FRMPD4: variants seen among roughly 807,000 people sequenced by gnomAD.
The protein encoded by FRMPD4 is FERM and PDZ domain-containing protein 4.
Under a neutral mutation model 94.1 loss-of-function variants are expected in FRMPD4, and 22 were observed. The ratio of observed to expected loss-of-function variants is 0.23; its 90% CI spans 0.17 to 0.33. The LOEUF (loss-of-function observed/expected upper bound fraction) is 0.33, where lower values mean the gene tolerates loss of function less well. Among genes scored for constraint, FRMPD4 ranks in the 10% least tolerant of loss-of-function variants. The pLI is 1.00. For missense variants in FRMPD4, 1,111 were observed against 1,339.9 expected (o/e 0.83, Z 2.67); for synonymous variants, 631 against 548.6 (o/e 1.15, Z -2.10).
chrX:12,428,144 C>T (rs1340910226), intron 1 of FRMPD4, among the ~76,000 whole-genome samples: 1 of 109,705 alleles, frequency 9.1e-6, no homozygotes, highest in Admixed American at 9.7e-5. Flanking sequence ...ATCTCCTGAC[C>T]TCGTGATCTG....
chrX:12,366,203 A>G (rs758538090), intron 1 of FRMPD4, among the ~76,000 whole-genome samples: 1 of 112,050 alleles, frequency 8.9e-6, no homozygotes, highest in East Asian at 2.8e-4. Context: ...GGTCATTTCA[A>G]TGAAGGCAAA....
chrX:11,913,419 C>A (rs2054007262), intron 3 of FRMPD4, among the ~76,000 whole-genome samples: 1 of 112,198 alleles, frequency 8.9e-6, no homozygotes. Context: ...GCTAAAGTCC[C>A]ACCCTCTCAG....
At chrX:11,845,450 A>G (rs1464033638) in intron 1 of FRMPD4, among the ~76,000 whole-genome samples, 3 of 111,126 alleles carry the variant, frequency 2.7e-5, no homozygotes, top group African/African-American at 6.6e-5. Flanking sequence ...TACCAGAGGT[A>G]CAAAGAGGAA....
At chrX:12,598,393 T>G (rs1020947933) in intron 2 of FRMPD4, among the ~76,000 whole-genome samples, 1 of 111,670 alleles carries the variant, frequency 9.0e-6, no homozygotes, top group African/African-American at 3.3e-5. Flanking sequence ...TGTTAGCACT[T>G]CGAGGTCTCA....
intron 1 of FRMPD4, among the ~76,000 whole-genome samples, chrX:12,479,351 T>TAC (rs1307854718): frequency 7.2e-4 from 5 of 6,925 alleles, no homozygotes; most frequent in Non-Finnish European, 1.6e-3. Context: ...TCTGTATATA[T>TAC]ATATACACAC....
At position 11,859,446 on chromosome X, in the gene FRMPD4, G is replaced by C. The variant is rs781153350; in HGVS notation, c.-160-5640G>C. Among the ~76,000 whole-genome samples, 4 of 111,731 alleles carry C rather than the reference G, an allele frequency of 3.6e-5. No homozygotes were observed. The East Asian group carries it at 1.1e-3, about 31-fold the overall frequency. On this transcript the variant is annotated intron_variant, in intron 1 of 18. Coordinates refer to the FRMPD4 transcript ENST00000640291. ...ATCATTTTTTGAGTTAGAATCTTGAGATAAGGTGGACATTTTCTAGGATAA... is the reference window on the plus strand; with the variant it reads ...ATCATTTTTTGAGTTAGAATCTTGACATAAGGTGGACATTTTCTAGGATAA...
intron 4 of FRMPD4, among the ~76,000 whole-genome samples, chrX:12,635,114 G>A (rs747543825): frequency 1.3e-4 from 14 of 111,846 alleles, no homozygotes; most frequent in Admixed American, 2.8e-4. Flanking sequence ...GATTACAGGC[G>A]TGAGCCACCG....
chrX:12,442,794 A>G (rs2057153133), intron 1 of FRMPD4, among the ~76,000 whole-genome samples: 1 of 112,019 alleles, frequency 8.9e-6, no homozygotes, highest in Admixed American at 9.5e-5. Context: ...TGTTTATAGC[A>G]ACATTATTCC....
At chrX:12,614,758 C>T in intron 3 of FRMPD4, 21 bp from the exon 4 acceptor site, 1 of 879,857 alleles carries the variant, frequency 1.1e-6, no homozygotes. Flanking sequence ...CTCACCTGTG[C>T]TTCATTCTAT....
chrX:12,375,698 A>G (rs2056227531), intron 1 of FRMPD4, among the ~76,000 whole-genome samples: 1 of 112,233 alleles, frequency 8.9e-6, no homozygotes, highest in Non-Finnish European at 1.9e-5. Context: ...CAACAACACC[A>G]CAGACATGAC....
chrX:12,033,400 G>A (rs2054702855), intron 3 of FRMPD4, among the ~76,000 whole-genome samples: 2 of 111,399 alleles, frequency 1.8e-5, no homozygotes, highest in African/African-American at 6.5e-5. Context: ...TAAGATTTCA[G>A]ACACAGAGAT....
At chrX:12,501,761 A>G (rs2057924513) in intron 2 of FRMPD4, among the ~76,000 whole-genome samples, 1 of 111,193 alleles carries the variant, frequency 9.0e-6, no homozygotes, top group East Asian at 2.8e-4. Context: ...AAGCTATGGG[A>G]GGAAGTTGGC....
At chrX:12,160,663 C>G (rs2056010180) in intron 1 of FRMPD4, among the ~76,000 whole-genome samples, 1 of 111,684 alleles carries the variant, frequency 9.0e-6, no homozygotes, top group African/African-American at 3.3e-5. Flanking sequence ...TTTCCTAATA[C>G]TGCCCCAAGA....
intron 3 of FRMPD4, among the ~76,000 whole-genome samples, chrX:11,989,308 A>G (rs2054450776): frequency 8.9e-6 from 1 of 111,813 alleles, no homozygotes. Context: ...CATAAAAGAG[A>G]ATGGGATCCT....
At chrX:12,336,655 A>C (rs1392731864) in intron 1 of FRMPD4, among the ~76,000 whole-genome samples, 1 of 111,135 alleles carries the variant, frequency 9.0e-6, no homozygotes, top group Non-Finnish European at 1.9e-5. Context: ...TCTTGGGAGA[A>C]AGGCCAACGG....
intron 4 of FRMPD4, among the ~76,000 whole-genome samples, chrX:12,657,404 C>G (rs1015757489): frequency 8.9e-6 from 1 of 112,051 alleles, no homozygotes; most frequent in African/African-American, 3.3e-5. Flanking sequence ...GTGGGCCTCT[C>G]CAAAGGGCAG....
chrX:12,429,800 G>A (rs1321272263), intron 1 of FRMPD4, among the ~76,000 whole-genome samples: 1 of 112,215 alleles, frequency 8.9e-6, no homozygotes. Flanking sequence ...GGGCCTTTAA[G>A]AGGTGATTAG....
intron 3 of FRMPD4, among the ~76,000 whole-genome samples, chrX:12,089,230 T>G (rs2055134996): frequency 8.9e-6 from 1 of 112,356 alleles, no homozygotes; most frequent in Non-Finnish European, 1.9e-5. Flanking sequence ...GTTTCCAGAT[T>G]TGGGCTACTA....
At chrX:11,897,041 C>G (rs2053908061) in intron 3 of FRMPD4, among the ~76,000 whole-genome samples, 1 of 109,218 alleles carries the variant, frequency 9.2e-6, no homozygotes. Flanking sequence ...CTGAATTAAT[C>G]TGAGTGTAAA....
Sources: gnomAD v4.1 joint callset for allele counts (sites outside exome capture counted in the v4.1 genomes callset) on GRCh38, gnomAD v4.1.1 for gene constraint, MANE v1.5 for transcripts, NCBI Gene and HGNC (gene_info 2026-07-23, HGNC 2026-07-21) for gene names.